DNMT3A: variants seen among roughly 807,000 people sequenced by gnomAD.
DNMT3A encodes the protein DNA (cytosine-5)-methyltransferase 3A.
DNMT3A carries 267 observed loss-of-function variants against 117.6 expected under a neutral mutation model. The ratio of observed to expected loss-of-function variants is 2.27; its 90% CI spans 2.05 to 2.51. The LOEUF (loss-of-function observed/expected upper bound fraction) is 2.51. Ranked by LOEUF, DNMT3A falls within the 30% of genes most tolerant of loss-of-function variation. DNMT3A has a pLI of 0.00. For missense variants in DNMT3A, 1,029 were observed against 1,260.2 expected, an observed-to-expected ratio of 0.82 and a Z score of 2.78; for synonymous variants, 432 against 474.8, an observed-to-expected ratio of 0.91 and a Z score of 1.17.
intron 1 of DNMT3A, among the ~76,000 whole-genome samples, chr2:25,332,528 T>A (rs978589080): frequency 3.3e-5 from 5 of 152,112 alleles, no homozygotes; most frequent in African/African-American, 4.8e-5. Flanking sequence ...ACACAGTAGG[T>A]CTCTTAGATG....
At chr2:25,341,494 C>G (rs1259134758) in intron 1 of DNMT3A, among the ~76,000 whole-genome samples, 1 of 146,238 alleles carries the variant, frequency 6.8e-6, no homozygotes, top group Non-Finnish European at 1.5e-5. Context: ...TGGAGGGGCC[C>G]CCCGCGGCAT....
intron 6 of DNMT3A, among the ~76,000 whole-genome samples, chr2:25,272,735 C>T (rs1306397146): frequency 6.6e-6 from 1 of 152,080 alleles, no homozygotes; most frequent in Non-Finnish European, 1.5e-5. Flanking sequence ...TAATTTCTGC[C>T]TTCCTGGATC....
chr2:25,318,137 G>A (rs754502615), intron 1 of DNMT3A, among the ~76,000 whole-genome samples: 46 of 152,174 alleles, frequency 3.0e-4, no homozygotes, highest in Admixed American at 1.4e-3. Flanking sequence ...CTGGAGAATC[G>A]AATGAGTCTA....
At chr2:25,277,053 G>A (rs2031477180) in intron 4 of DNMT3A, among the ~76,000 whole-genome samples, 1 of 152,268 alleles carries the variant, frequency 6.6e-6, no homozygotes, top group East Asian at 1.9e-4. Flanking sequence ...GGAGCACCAG[G>A]GGGAGGGAGG....
Position 25,245,278 on chromosome 2 carries a change from A to C in DNMT3A, c.1529T>G (p.Val510Gly). ...CTTGCAGTTTTGGCACATTCCTCCAACGAAGAGGGGGTGTTCCAGGGTAAC... is the reference window on the plus strand; with the variant it reads ...CTTGCAGTTTTGGCACATTCCTCCACCGAAGAGGGGGTGTTCCAGGGTAAC... ...LNVTLEHPLF[V>G]GGMCQNCKNC... The change falls in exon 13 of 23, where the codon GTT becomes GGT. Residue 510 changes from valine to glycine, a missense_variant. Val to Gly is a moderately radical substitution (Grantham distance 109). Transcript: ENST00000321117. 6.2e-7 allele frequency: 1 copy of C among 1,613,834 alleles called. No individual in the cohort carries two copies. Among genetic ancestry groups the C allele is most frequent in the Non-Finnish European group, 8.5e-7 (1 of 1,179,952 alleles).
chr2:25,332,810 G>C (rs2035064608), intron 1 of DNMT3A, among the ~76,000 whole-genome samples: 1 of 152,254 alleles, frequency 6.6e-6, no homozygotes, highest in African/African-American at 2.4e-5. Flanking sequence ...TGCGTGGATG[G>C]CAACAAGCAC....
intron 19 of DNMT3A, 70 bp downstream of exon 19, chr2:25,240,232 G>A: frequency 6.2e-7 from 1 of 1,602,650 alleles, no homozygotes; most frequent in Non-Finnish European, 8.5e-7. Context: ...ATGCAGATGA[G>A]ACAGGATGAA....
At chr2:25,338,535 C>A (rs1042305811) in intron 1 of DNMT3A, among the ~76,000 whole-genome samples, 5 of 152,246 alleles carry the variant, frequency 3.3e-5, no homozygotes, top group African/African-American at 9.6e-5. Flanking sequence ...GGGAAGGGAG[C>A]CCAGCACTAA....
At position 25,282,995 on chromosome 2, in the gene DNMT3A, C is replaced by T. The variant is rs992703885; in HGVS notation, c.178-284G>A. Among the ~76,000 whole-genome samples, 6 of 152,210 alleles carry T rather than the reference C, an allele frequency of 3.9e-5. No individual in the cohort carries two copies. The highest frequency in any genetic ancestry group is 7.2e-5 in the African/African-American group (3 of 41,522). On this transcript the variant is annotated intron_variant, in intron 3 of 22. Coordinates refer to ENST00000321117, the MANE Select transcript of DNMT3A (RefSeq NM_022552.5). The surrounding 1 kb of genome is among the most constrained non-coding windows in gnomAD (Gnocchi z 5.2). Reference sequence around the variant, plus strand: ...AGCCTGGTTGCACTTCTCAAGGGATCGGCTCCCCCATCCCACCGCCACTCA... The same window carrying T: ...AGCCTGGTTGCACTTCTCAAGGGATTGGCTCCCCCATCCCACCGCCACTCA...
At chr2:25,244,779 C>G in intron 13 of DNMT3A, 127 bp from the exon 14 acceptor site, 1 of 754,980 alleles carries the variant, frequency 1.3e-6, no homozygotes, top group East Asian at 2.7e-5. Flanking sequence ...ACCACCTTAG[C>G]CAGGGTCAGG....
intron 4 of DNMT3A, among the ~76,000 whole-genome samples, chr2:25,276,954 C>T (rs2031467602): frequency 2.0e-5 from 3 of 152,238 alleles, no homozygotes. Context: ...GGGTCCTGGA[C>T]TGGTTTTGGG....
At chr2:25,246,447 C>T in intron 10 of DNMT3A, 138 bp from the exon 11 acceptor site, 3 of 1,426,604 alleles carry the variant, frequency 2.1e-6, no homozygotes, top group Non-Finnish European at 2.8e-6. Flanking sequence ...TCTAGCCAAC[C>T]AACAGAGAGC....
intron 1 of DNMT3A, among the ~76,000 whole-genome samples, chr2:25,338,352 T>G (rs1558752483): frequency 6.6e-6 from 1 of 152,172 alleles, no homozygotes; most frequent in Non-Finnish European, 1.5e-5. Context: ...GAGAGGGTGG[T>G]CTGTTTTAAC....
rs552577935 is a variant in DNMT3A, at chr2:25,309,824, C to G, written c.72+4089G>C. ...ATCCCAGCACTTTGAGAGGCCGAGG[C>G]GGGTGGATCATGAGGTCAGGAGATC... On this transcript the variant is annotated intron_variant, in intron 2 of 22. Coordinates refer to ENST00000321117, the MANE Select transcript of DNMT3A (RefSeq NM_022552.5). Among the ~76,000 whole-genome samples, 9 of 152,072 alleles carry G rather than the reference C, an allele frequency of 5.9e-5. No homozygotes were observed. In the South Asian group the frequency reaches 1.9e-3, roughly 32 times the overall value.
rs10628428 is a variant in DNMT3A at position 25,308,968 on chromosome 2, TACACACACACACAC to T, written c.72+4931_72+4944del. ...AGCCCCAATGCTGCCCACAGATGCA[TACACACACACACAC>T]ACACACACACACACACACGCACGCA... On this transcript the variant is annotated intron_variant, in intron 2 of 22. Coordinates refer to ENST00000321117, the MANE Select transcript of DNMT3A (RefSeq NM_022552.5). 5.3e-3 allele frequency among the ~76,000 whole-genome samples: 757 copies of T among 144,122 alleles called. 2 individuals carry two copies. Among genetic ancestry groups the T allele is most frequent in the Non-Finnish European group, 7.7e-3 (507 of 65,764 alleles). The allele number at this position is 144,122 out of a possible 152,430, so 94.5% of individuals were successfully genotyped here.
intron 3 of DNMT3A, among the ~76,000 whole-genome samples, chr2:25,290,822 C>T (rs979113408): frequency 3.3e-5 from 5 of 151,948 alleles, no homozygotes; most frequent in Non-Finnish European, 7.4e-5. Context: ...TGGGTAGATG[C>T]CATTCTCCCT....
intron 1 of DNMT3A, among the ~76,000 whole-genome samples, chr2:25,336,383 C>T (rs1252383622): frequency 2.6e-5 from 4 of 152,128 alleles, no homozygotes; most frequent in Admixed American, 2.0e-4. Flanking sequence ...ACATGGAGAC[C>T]TCTGGGAGGC....
chr2:25,245,455 TC>T, intron 12 of DNMT3A, 123 bp from the exon 13 acceptor site: 1 of 828,766 alleles, frequency 1.2e-6, no homozygotes, highest in Non-Finnish European at 1.9e-6. Context: ...CAGAAAAGAG[TC>T]CAGGGTGCCC....
intron 2 of DNMT3A, 26 bp from the exon 3 acceptor site, chr2:25,300,269 G>A (rs1430088908): frequency 1.3e-6 from 2 of 1,599,772 alleles, no homozygotes; most frequent in Non-Finnish European, 1.7e-6. Context: ...CAGCCTGTGA[G>A]GCCAGAGGTG....
Sources: allele counts gnomAD v4.1 joint callset (sites outside exome capture counted in the v4.1 genomes callset), GRCh38; gene constraint gnomAD v4.1.1; non-coding constraint Gnocchi (gnomAD v3.1); transcripts MANE v1.5; gene names NCBI Gene and HGNC (gene_info 2026-07-23, HGNC 2026-07-21).